The following DLG2 variants were observed in gnomAD, a reference collection of about 807,000 sequenced individuals.
DLG2 encodes disks large homolog 2.
In DLG2, 45 loss-of-function variants were observed where a neutral mutation model predicts 132.5. That is an observed-to-expected ratio of 0.34 (90% CI 0.27 to 0.44). The LOEUF is 0.44. Ranked by LOEUF, DLG2 falls within the 20% of genes least tolerant of loss-of-function variation. DLG2 has a pLI of 1.00. For missense variants in DLG2, 1,045 were observed against 1,196.9 expected (o/e 0.87, Z 1.87); for synonymous variants, 424 against 419.6 (o/e 1.01, Z -0.13).
At chr11:84,192,852 T>G (rs1244799034) in intron 8 of DLG2, among the ~76,000 whole-genome samples, 1 of 152,228 alleles carries the variant, frequency 6.6e-6, no homozygotes, top group African/African-American at 2.4e-5. Flanking sequence ...CTCCTAATCA[T>G]GATGAATACA....
At chr11:85,085,595 G>A (rs1383550950) in intron 6 of DLG2, among the ~76,000 whole-genome samples, 1 of 151,924 alleles carries the variant, frequency 6.6e-6, no homozygotes, top group Non-Finnish European at 1.5e-5. Flanking sequence ...TTAAAAGTAG[G>A]AATGAGAAAA....
At chr11:84,382,523 C>G (rs997810820) in intron 7 of DLG2, among the ~76,000 whole-genome samples, 1 of 152,140 alleles carries the variant, frequency 6.6e-6, no homozygotes, top group Admixed American at 6.5e-5. Flanking sequence ...TATGTTGGGG[C>G]TCCTGGCCTT....
chr11:85,491,811 A>G (rs1332896909), intron 3 of DLG2, among the ~76,000 whole-genome samples: 1 of 152,126 alleles, frequency 6.6e-6, no homozygotes, highest in Non-Finnish European at 1.5e-5. Flanking sequence ...TTATTAAAAT[A>G]TCCATACAAC....
chr11:84,857,157 A>C (rs1599906732), intron 6 of DLG2, among the ~76,000 whole-genome samples: 1 of 152,014 alleles, frequency 6.6e-6, no homozygotes, highest in East Asian at 2.0e-4. Flanking sequence ...AATGAAGTGA[A>C]GCAAATATAG....
At chr11:85,558,057 A>G (rs769909653) in intron 3 of DLG2, among the ~76,000 whole-genome samples, 1 of 151,952 alleles carries the variant, frequency 6.6e-6, no homozygotes, top group Non-Finnish European at 1.5e-5. Context: ...CAAACTATGC[A>G]TCCAACAAAG....
chr11:85,056,595 T>C (rs1343222399), intron 6 of DLG2, among the ~76,000 whole-genome samples: 1 of 151,960 alleles, frequency 6.6e-6, no homozygotes, highest in African/African-American at 2.4e-5. Context: ...ATATGATGTA[T>C]AATGATCAGT....
intron 15 of DLG2, among the ~76,000 whole-genome samples, chr11:83,881,702 C>T (rs1328744608): frequency 6.6e-6 from 1 of 152,124 alleles, no homozygotes; most frequent in Non-Finnish European, 1.5e-5. Flanking sequence ...AGACCAATGT[C>T]CACAGCAAGC....
chr11:85,024,501 C>T (rs1294222101), intron 6 of DLG2, among the ~76,000 whole-genome samples: 2 of 152,122 alleles, frequency 1.3e-5, no homozygotes, highest in African/African-American at 2.4e-5. Flanking sequence ...TAAATGCAGG[C>T]CCCCAAAGCA....
At chr11:84,412,004 A>T (rs568840977) in intron 7 of DLG2, among the ~76,000 whole-genome samples, 1 of 151,518 alleles carries the variant, frequency 6.6e-6, no homozygotes, top group Non-Finnish European at 1.5e-5. Context: ...TACACTATTG[A>T]CATACAGATG....
At chr11:84,485,534 T>C (rs577228954) in intron 7 of DLG2, among the ~76,000 whole-genome samples, 1 of 152,234 alleles carries the variant, frequency 6.6e-6, no homozygotes, top group East Asian at 1.9e-4. Context: ...AGAAGACAGG[T>C]CTATAATATT....
chr11:85,360,106 T>A (rs918870844), intron 3 of DLG2, among the ~76,000 whole-genome samples: 6 of 152,190 alleles, frequency 3.9e-5, no homozygotes, highest in African/African-American at 1.4e-4. Context: ...AAGGATTCAG[T>A]TGGACGGAAA....
chr11:83,876,103 T>C (rs551983699), intron 15 of DLG2, among the ~76,000 whole-genome samples: 3 of 152,304 alleles, frequency 2.0e-5, no homozygotes, highest in African/African-American at 7.2e-5. Context: ...CATATACCAA[T>C]GTAACCTTGT....
chr11:83,934,800 T>C (rs1250738953), intron 14 of DLG2, among the ~76,000 whole-genome samples: 1 of 152,188 alleles, frequency 6.6e-6, no homozygotes, highest in African/African-American at 2.4e-5. Context: ...CCAAATCTCA[T>C]GTGTCTTTGT....
chr11:84,769,585 C>A lies in DLG2; in HGVS notation c.358-234854G>T, dbSNP rs942395639. 5.3e-5 allele frequency among the ~76,000 whole-genome samples: 8 copies of A among 152,222 alleles called. No homozygotes were observed. In the East Asian group the frequency reaches 1.5e-3, roughly 29 times the overall value. On this transcript the variant is annotated intron_variant, in intron 6 of 27. Transcript: ENST00000376104. Reference sequence around the variant, plus strand: ...AATAATTCAAGAAAATTTCACTGATCTTGCTAGAGAGGTAGACGACATTTA... The same window carrying A: ...AATAATTCAAGAAAATTTCACTGATATTGCTAGAGAGGTAGACGACATTTA...
At chr11:83,985,002 A>G (rs1565914838) in intron 11 of DLG2, among the ~76,000 whole-genome samples, 1 of 152,186 alleles carries the variant, frequency 6.6e-6, no homozygotes, top group Admixed American at 6.6e-5. Context: ...AAGTGAGTTC[A>G]TATGAGTGAG....
At chr11:84,090,926 A>C (rs1042256373) in intron 10 of DLG2, among the ~76,000 whole-genome samples, 1 of 152,190 alleles carries the variant, frequency 6.6e-6, no homozygotes, top group Non-Finnish European at 1.5e-5. Flanking sequence ...AGGCTTTTTT[A>C]CTGATACAGG....
chr11:83,629,359 GC>G (rs2063181559), intron 19 of DLG2, among the ~76,000 whole-genome samples: 1 of 152,130 alleles, frequency 6.6e-6, no homozygotes, highest in South Asian at 2.1e-4. Flanking sequence ...GAGGTTATTT[GC>G]TTGAACTCTG....
chr11:84,864,648 A>G (rs1462732266), intron 6 of DLG2, among the ~76,000 whole-genome samples: 4 of 152,174 alleles, frequency 2.6e-5, no homozygotes, highest in South Asian at 2.1e-4. Flanking sequence ...GTCTACAAAC[A>G]TATGTATAAT....
chr11:83,706,017 G>C (rs2083890944), intron 18 of DLG2, among the ~76,000 whole-genome samples: 1 of 152,126 alleles, frequency 6.6e-6, no homozygotes, highest in Non-Finnish European at 1.5e-5. Context: ...AGGAGATTGA[G>C]ACCATCCTGG....
Sources: gnomAD v4.1 joint callset for allele counts (sites outside exome capture counted in the v4.1 genomes callset) on GRCh38, gnomAD v4.1.1 for gene constraint, MANE v1.5 for transcripts, NCBI Gene and HGNC (gene_info 2026-07-23, HGNC 2026-07-21) for gene names.